Variants in TMEM245 observed in about 807,000 individuals in gnomAD.
TMEM245 encodes transmembrane protein 245.
In TMEM245, 69 loss-of-function variants were observed where a neutral mutation model predicts 101.2. The observed-to-expected ratio is 0.68, with a 90% CI of 0.56 to 0.83. The LOEUF (loss-of-function observed/expected upper bound fraction) is 0.83, where lower values mean the gene tolerates loss of function less well. TMEM245 is among the 40% of genes least tolerant of loss of function. The pLI, the probability that TMEM245 is intolerant of heterozygous loss-of-function variation, is 0.00. For synonymous variants in TMEM245, 537 were observed against 449.8 expected (o/e 1.19, Z -2.45); for missense variants, 1,075 against 1,092.8 (o/e 0.98, Z 0.23).
chr9:109,019,630 G>C lies in TMEM245; in HGVS notation c.*830C>G, dbSNP rs527458524. 1 of 152,318 alleles carries C rather than the reference G, an allele frequency of 6.6e-6. No homozygotes were observed. The highest frequency in any genetic ancestry group is 1.5e-5 in the Non-Finnish European group (1 of 68,034). 9.4% of individuals were successfully genotyped at this position (152,318 alleles called of 1,614,324 possible). On this transcript the variant is annotated 3_prime_UTR_variant, in exon 18 of 18. Coordinates refer to ENST00000374586, the MANE Select transcript of TMEM245 (RefSeq NM_032012.4). Reference sequence around the variant, plus strand: ...TTGGCAGAGTTCCAAATAATGAAACGGATACATTTAACAAATCAGAGTATT... The same window carrying C: ...TTGGCAGAGTTCCAAATAATGAAACCGATACATTTAACAAATCAGAGTATT...
At chr9:109,075,713 A>G (rs1829478052) in intron 8 of TMEM245, among the ~76,000 whole-genome samples, 1 of 152,142 alleles carries the variant, frequency 6.6e-6, no homozygotes, top group South Asian at 2.1e-4. Flanking sequence ...TGTACTTGAT[A>G]TTGGTAATTT....
At chr9:109,035,050 AG>A (rs1828077356) in intron 16 of TMEM245, among the ~76,000 whole-genome samples, 2 of 149,440 alleles carry the variant, frequency 1.3e-5, no homozygotes, top group South Asian at 4.3e-4. Context: ...CCAGCTACTC[AG>A]GAGGCTGAGG....
rs796533049 is a variant in TMEM245, at chr9:109,073,537, C to T, written c.1450-99G>A. ...ATTATTGGAACAATGCTTTGAGAGC[C>T]AAATAAATACACATCTTTGCTTTAA... On this transcript the variant is annotated intron_variant, in intron 8 of 17. Transcript: ENST00000374586. 2.1e-5 allele frequency: 17 copies of T among 816,172 alleles called. No individual in the cohort carries two copies. The South Asian group carries it at 2.9e-4, about 14-fold the overall frequency. The allele number at this position is 816,172 out of a possible 1,614,324, so 50.6% of individuals were successfully genotyped here.
chr9:109,037,939 A>T, intron 15 of TMEM245, 78 bp downstream of exon 15: 1 of 1,177,558 alleles, frequency 8.5e-7, no homozygotes, highest in Non-Finnish European at 1.2e-6. Flanking sequence ...TTGAGGAAGT[A>T]GACATTTCCT....
chr9:109,023,173 T>C (rs760820821), intron 17 of TMEM245, among the ~76,000 whole-genome samples: 8 of 152,202 alleles, frequency 5.3e-5, no homozygotes, highest in Non-Finnish European at 1.0e-4. Context: ...GAGTCTTTCA[T>C]CTCAATGTTC....
intron 8 of TMEM245, among the ~76,000 whole-genome samples, chr9:109,079,907 A>G (rs919832449): frequency 3.9e-5 from 6 of 152,134 alleles, no homozygotes; most frequent in Admixed American, 3.9e-4. Flanking sequence ...TACATAATTA[A>G]TATCCAAAGA....
intron 11 of TMEM245, among the ~76,000 whole-genome samples, chr9:109,058,187 G>A (rs1828903505): frequency 1.3e-5 from 2 of 151,098 alleles, no homozygotes; most frequent in African/African-American, 4.9e-5. Flanking sequence ...TGTATTTTTA[G>A]TAGAGACGGG....
intron 12 of TMEM245, among the ~76,000 whole-genome samples, chr9:109,055,876 C>T (rs1315872182): frequency 6.6e-6 from 1 of 152,130 alleles, no homozygotes; most frequent in African/African-American, 2.4e-5. Context: ...TCAGGTGATC[C>T]ACCCGCCTCG....
At chr9:109,051,463 G>A (rs1828682910) in intron 12 of TMEM245, among the ~76,000 whole-genome samples, 1 of 152,144 alleles carries the variant, frequency 6.6e-6, no homozygotes, top group Admixed American at 6.6e-5. Flanking sequence ...GTCATAGAGT[G>A]TACTGATACA....
chr9:109,090,074 A>G (rs1829954354), intron 5 of TMEM245, among the ~76,000 whole-genome samples: 1 of 151,952 alleles, frequency 6.6e-6, no homozygotes, highest in African/African-American at 2.4e-5. Flanking sequence ...AGCCTGGCCA[A>G]CATGGTGAAA....
At chr9:109,079,336 C>G (rs867555674) in intron 8 of TMEM245, among the ~76,000 whole-genome samples, 3 of 151,742 alleles carry the variant, frequency 2.0e-5, no homozygotes, top group Non-Finnish European at 2.9e-5. Flanking sequence ...GGATACAAAA[C>G]AAAAACAGTA....
chr9:109,059,185 A>T (rs148243921), intron 11 of TMEM245, among the ~76,000 whole-genome samples: 191 of 152,310 alleles, frequency 1.3e-3, no homozygotes, highest in African/African-American at 4.3e-3. Context: ...GATCAAATCT[A>T]TGATACTCAC....
intron 7 of TMEM245, among the ~76,000 whole-genome samples, chr9:109,085,390 T>C (rs747621358): frequency 2.0e-5 from 3 of 152,370 alleles, no homozygotes; most frequent in Middle Eastern, 3.4e-3. Context: ...CCTATTATAA[T>C]GCCATACCAA....
chr9:109,078,481 A>C lies in TMEM245; in HGVS notation c.1449+2358T>G, dbSNP rs548958393. Reference sequence around the variant, plus strand: ...TATCTGTTTATCTAGAAATGTTTTCATTTTGCCTTTACTTTGAAAGAACAG... The same window carrying C: ...TATCTGTTTATCTAGAAATGTTTTCCTTTTGCCTTTACTTTGAAAGAACAG... On this transcript the variant is annotated intron_variant, in intron 8 of 17. Transcript: ENST00000374586. 2.0e-5 allele frequency among the ~76,000 whole-genome samples: 3 copies of C among 152,296 alleles called. No individual in the cohort carries two copies. The South Asian group carries it at 6.2e-4, about 32-fold the overall frequency.
At chr9:109,093,382 G>A (rs1485068031) in intron 4 of TMEM245, 93 bp downstream of exon 4, 10 of 992,026 alleles carry the variant, frequency 1.0e-5, no homozygotes, top group Admixed American at 4.5e-5. Flanking sequence ...GCAGGAGTAA[G>A]TAGCATTTTG....
intron 15 of TMEM245, 40 bp downstream of exon 15, chr9:109,037,977 C>A: frequency 6.7e-7 from 1 of 1,485,474 alleles, no homozygotes; most frequent in Non-Finnish European, 9.1e-7. Flanking sequence ...CTTAACTTTC[C>A]TTAAATAGCG....
rs187886126 is a variant in TMEM245 at position 109,106,578 on chromosome 9, T to C, written c.729A>G (p.Val243=). ...ACATCAGGAAAACAATAACCAGGAA[T>C]ACTGGAATTCTCCATGAGCCAGCCA... ...ASLAGSWRIP[V]FLVIVFLMSV... The change falls in exon 3 of 18, where the codon GTA becomes GTG. Residue 243 remains valine, a synonymous_variant. Coordinates refer to ENST00000374586, the MANE Select transcript of TMEM245 (RefSeq NM_032012.4). 2.2e-3 allele frequency: 3,523 copies of C among 1,613,010 alleles called. 9 individuals carry two copies. The highest frequency in any genetic ancestry group is 2.6e-3 in the Non-Finnish European group (3,121 of 1,179,306).
intron 14 of TMEM245, chr9:109,039,160 T>G (rs150522549): frequency 6.6e-6 from 1 of 152,220 alleles, no homozygotes; most frequent in Non-Finnish European, 1.5e-5. Context: ...ATCTAGTGAT[T>G]TAGTCATTTA....
At chr9:109,064,154 A>G (rs1207702347) in intron 10 of TMEM245, among the ~76,000 whole-genome samples, 1 of 152,230 alleles carries the variant, frequency 6.6e-6, no homozygotes, top group Non-Finnish European at 1.5e-5. Context: ...ATCAGCAGAC[A>G]ATAAGATTTA....
Sources: gnomAD v4.1 joint callset for allele counts (sites outside exome capture counted in the v4.1 genomes callset) on GRCh38, gnomAD v4.1.1 for gene constraint, MANE v1.5 for transcripts, NCBI Gene and HGNC (gene_info 2026-07-23, HGNC 2026-07-21) for gene names.